MARK4: variants seen among roughly 807,000 people sequenced by gnomAD.
MARK4 encodes MAP/microtubule affinity-regulating kinase 4.
Under a neutral mutation model 81.5 loss-of-function variants are expected in MARK4, and 19 were observed. That is an observed-to-expected ratio of 0.23 (90% CI 0.16 to 0.34). The LOEUF (loss-of-function observed/expected upper bound fraction) is 0.34, where lower values mean the gene tolerates loss of function less well. MARK4 is among the 10% of genes least tolerant of loss of function. MARK4 has a pLI of 1.00. For synonymous variants in MARK4, 436 were observed against 439.0 expected (o/e 0.99, Z 0.08); for missense variants, 772 against 1,058.8 (o/e 0.73, Z 3.76).
In MARK4 at chr19:45,297,739, G is replaced by T; in HGVS notation, c.1662G>T (p.Gly554=). The part of the protein sequence containing the change: ...PSSHSLAPPS[G]ERSRLARGST... ...GTCACAGCCTGGCACCCCCATCAGGGGAGCGGAGCCGCCTGGCACGTGGTT... is the reference window on the plus strand; with the variant it reads ...GTCACAGCCTGGCACCCCCATCAGGTGAGCGGAGCCGCCTGGCACGTGGTT... Residue 554 remains glycine, a synonymous_variant, in exon 15 of 17, where the codon GGG becomes GGT. Transcript: ENST00000262891. The T allele has an allele frequency of 6.4e-7, 1 of 1,573,200 alleles. No individual in the cohort carries two copies.
At chr19:45,301,586 C>T (rs1420808095) in intron 16 of MARK4, among the ~76,000 whole-genome samples, 2 of 117,174 alleles carry the variant, frequency 1.7e-5, no homozygotes, top group African/African-American at 6.4e-5. Flanking sequence ...AAAAGCCGGG[C>T]GCAGTGGCTC....
At chr19:45,266,118 G>A (rs993818771) in intron 6 of MARK4, 107 bp from the exon 7 acceptor site, 7 of 1,118,312 alleles carry the variant, frequency 6.3e-6, no homozygotes, top group Admixed American at 1.7e-5. Context: ...ATCTCAGGCT[G>A]TGCCTTGGGG....
chr19:45,284,926 A>G (rs940987608), intron 12 of MARK4, among the ~76,000 whole-genome samples: 1 of 152,100 alleles, frequency 6.6e-6, no homozygotes, highest in Non-Finnish European at 1.5e-5. Flanking sequence ...CCCTGTCTCT[A>G]CTAAAAATAT....
chr19:45,263,594 TAGC>T (rs916175065), intron 4 of MARK4, among the ~76,000 whole-genome samples: 9 of 151,874 alleles, frequency 5.9e-5, no homozygotes, highest in African/African-American at 2.2e-4. Context: ...ATACAAAAAT[TAGC>T]AGGGCATGGT....
Position 45,271,786 on chromosome 19 carries a change from A to G in MARK4, c.786+78A>G. The G allele has an allele frequency of 7.5e-7, 1 of 1,336,258 alleles. No individual in the cohort carries two copies. Among genetic ancestry groups the G allele is most frequent in the Non-Finnish European group, 1.0e-6 (1 of 962,410 alleles). The allele number at this position is 1,336,258 out of a possible 1,614,324, so 82.8% of individuals were successfully genotyped here. A position where few individuals can be genotyped will look rare whatever the true frequency, so the allele number is the denominator to read the frequency against. Reference sequence around the variant, plus strand: ...CCTATCCCCCCCACACCTCCCCTGCAGAGGGCCTCAGTGGTGGGACTGGCC... The same window carrying G: ...CCTATCCCCCCCACACCTCCCCTGCGGAGGGCCTCAGTGGTGGGACTGGCC... On this transcript the variant is annotated intron_variant, in intron 8 of 16. Coordinates refer to ENST00000262891, the MANE Select transcript of MARK4 (RefSeq NM_001199867.2). This position sits in a 1 kb window ranked among gnomAD's most constrained non-coding sequence, Gnocchi z 4.1.
At chr19:45,258,130 C>G (rs1970333195) in intron 1 of MARK4, among the ~76,000 whole-genome samples, 1 of 151,872 alleles carries the variant, frequency 6.6e-6, no homozygotes, top group African/African-American at 2.4e-5. Context: ...GGATTACAGG[C>G]GTGTGCCAAT....
intron 16 of MARK4, among the ~76,000 whole-genome samples, chr19:45,300,773 T>A (rs1464626635): frequency 6.6e-6 from 1 of 152,116 alleles, no homozygotes; most frequent in Non-Finnish European, 1.5e-5. Flanking sequence ...TGGGACTTGG[T>A]CACATGCTCA....
chr19:45,287,859 G>A (rs1236284042), intron 13 of MARK4, 195 bp downstream of exon 13: 2 of 669,146 alleles, frequency 3.0e-6, no homozygotes, highest in Non-Finnish European at 5.4e-6. Context: ...TTTGATGTTA[G>A]CGTATAAATT....
chr19:45,251,885 T>G (rs374742510), intron 1 of MARK4, among the ~76,000 whole-genome samples: 4 of 151,712 alleles, frequency 2.6e-5, no homozygotes, highest in East Asian at 2.0e-4. Flanking sequence ...CCGCTTCCGC[T>G]CGGGTCTGTT....
chr19:45,264,816 C>T, intron 5 of MARK4, 24 bp from the exon 6 acceptor site: 1 of 1,614,088 alleles, frequency 6.2e-7, no homozygotes, highest in Non-Finnish European at 8.5e-7. Context: ...CTGACCCTGA[C>T]CCCGCTCGGC....
At chr19:45,278,470 C>T (rs1970630081) in intron 9 of MARK4, 46 bp from the exon 10 acceptor site, 4 of 1,524,758 alleles carry the variant, frequency 2.6e-6, no homozygotes, top group Non-Finnish European at 3.6e-6. Flanking sequence ...ATTTCTGGTT[C>T]CTTCTGACAC....
At chr19:45,254,862 T>TA (rs1215298474) in intron 1 of MARK4, among the ~76,000 whole-genome samples, 1 of 152,168 alleles carries the variant, frequency 6.6e-6, no homozygotes, top group African/African-American at 2.4e-5. Flanking sequence ...GTAGGCGAGT[T>TA]ACCTGTTTAC....
At chr19:45,296,903 A>G (rs148175989) in intron 14 of MARK4, among the ~76,000 whole-genome samples, 109 of 152,062 alleles carry the variant, frequency 7.2e-4, no homozygotes, top group Non-Finnish European at 1.1e-3. Context: ...TACATAAACT[A>G]CCCAGGCGTG....
In MARK4 at chr19:45,260,878, C is replaced by T. The variant is rs577355022; in HGVS notation, c.252+1689C>T. On this transcript the variant is annotated intron_variant, in intron 2 of 16. Coordinates refer to ENST00000262891, the MANE Select transcript of MARK4 (RefSeq NM_001199867.2). ...ACACACAGCCTCACTCTCCCCACCA[C>T]CTCTTCCAGAGCAGGCATCTGTGCT... is the stretch of plus-strand genomic sequence containing the variant. 3.3e-5 allele frequency among the ~76,000 whole-genome samples: 5 copies of T among 152,274 alleles called. No homozygotes were observed. In the South Asian group the frequency reaches 8.3e-4, roughly 25 times the overall value.
intron 1 of MARK4, among the ~76,000 whole-genome samples, chr19:45,251,889 G>T (rs999468444): frequency 2.0e-5 from 3 of 151,856 alleles, no homozygotes; most frequent in Non-Finnish European, 4.4e-5. Flanking sequence ...TTCCGCTCGG[G>T]TCTGTTCCCT....
intron 13 of MARK4, 78 bp from the exon 14 acceptor site, chr19:45,294,271 G>A (rs949581714): frequency 6.7e-6 from 9 of 1,346,052 alleles, no homozygotes; most frequent in Non-Finnish European, 9.5e-6. Context: ...TCGATGGGGA[G>A]GGCAGAGAAG....
intron 7 of MARK4, among the ~76,000 whole-genome samples, chr19:45,270,949 T>A (rs1018513339): frequency 1.3e-5 from 2 of 152,236 alleles, no homozygotes; most frequent in African/African-American, 4.8e-5. Context: ...TTTGTATTTT[T>A]AGTAGAGACG....
intron 8 of MARK4, among the ~76,000 whole-genome samples, chr19:45,276,224 G>A (rs1356123388): frequency 1.3e-5 from 2 of 152,030 alleles, no homozygotes; most frequent in Non-Finnish European, 2.9e-5. Flanking sequence ...ACAGAGTCTC[G>A]CTGTGTTGCC....
rs59720430 is a variant in MARK4, at chr19:45,299,064, TAAA to T, written c.1878-723_1878-721del. ...TGGCAACAGAGGGAGAACCTGTCTC[TAAA>T]AAAAAAAAAAAAAAAAAAAAAAATT... On this transcript the variant is annotated intron_variant, in intron 15 of 16. Coordinates refer to ENST00000262891, the MANE Select transcript of MARK4 (RefSeq NM_001199867.2). Among the ~76,000 whole-genome samples the T allele has an allele frequency of 3.1e-3, 267 of 85,002 alleles. 2 individuals carry two copies. The highest frequency in any genetic ancestry group is 0.013 in the African/African-American group (215 of 16,724). The allele number at this position is 85,002 out of a possible 152,430, so 55.8% of individuals were successfully genotyped here.
Sources: gnomAD v4.1 joint callset for allele counts (sites outside exome capture counted in the v4.1 genomes callset) on GRCh38, gnomAD v4.1.1 for gene constraint, Gnocchi (gnomAD v3.1) non-coding constraint, MANE v1.5 for transcripts, NCBI Gene and HGNC (gene_info 2026-07-23, HGNC 2026-07-21) for gene names.